DOCK2: variants seen among roughly 807,000 people sequenced by gnomAD.
DOCK2 encodes the protein dedicator of cytokinesis protein 2.
Under a neutral mutation model 248.9 loss-of-function variants are expected in DOCK2, and 87 were observed. That is an observed-to-expected ratio of 0.35 (90% CI 0.29 to 0.42). DOCK2 has a LOEUF of 0.42. Ranked by LOEUF, DOCK2 falls within the 10% of genes least tolerant of loss-of-function variation. The pLI is 1.00. For missense variants in DOCK2, 1,747 were observed against 2,300.2 expected, an observed-to-expected ratio of 0.76 and a Z score of 4.92; for synonymous variants, 805 against 821.6, an observed-to-expected ratio of 0.98 and a Z score of 0.35.
intron 25 of DOCK2, among the ~76,000 whole-genome samples, chr5:169,781,313 G>A (rs1312086239): frequency 4.6e-5 from 7 of 152,226 alleles, no homozygotes. Context: ...AACATTGAAT[G>A]AAACGATGTT....
chr5:169,787,498 C>G (rs915437434), intron 25 of DOCK2, among the ~76,000 whole-genome samples: 1 of 152,190 alleles, frequency 6.6e-6, no homozygotes, highest in Non-Finnish European at 1.5e-5. Context: ...TACAGGTGGG[C>G]TCACTGGGCC....
intron 29 of DOCK2, among the ~76,000 whole-genome samples, chr5:169,987,410 A>G (rs1350000301): frequency 1.3e-5 from 2 of 152,246 alleles, no homozygotes; most frequent in East Asian, 3.9e-4. Flanking sequence ...GTCAGGGAAT[A>G]AGGAAAGAAG....
intron 4 of DOCK2, 84 bp downstream of exon 4, chr5:169,670,681 A>G (rs1759003175): frequency 6.5e-7 from 1 of 1,527,296 alleles, no homozygotes; most frequent in African/African-American, 1.4e-5. Flanking sequence ...CTGACTTGGA[A>G]GAGCTGAGGG....
chr5:169,994,388 T>C (rs1183477550), intron 29 of DOCK2, among the ~76,000 whole-genome samples: 3 of 152,148 alleles, frequency 2.0e-5, no homozygotes, highest in Admixed American at 6.5e-5. Flanking sequence ...GGGGTTGCAA[T>C]GAGGATCCCT....
chr5:169,761,230 A>C (rs1764471418), intron 24 of DOCK2: 1 of 279,176 alleles, frequency 3.6e-6, no homozygotes, highest in South Asian at 6.6e-5. Flanking sequence ...TTGTAGAGTT[A>C]TGAAGTCTAC....
At chr5:169,908,029 A>G (rs776363490) in intron 27 of DOCK2, among the ~76,000 whole-genome samples, 4 of 152,186 alleles carry the variant, frequency 2.6e-5, no homozygotes, top group Non-Finnish European at 5.9e-5. Flanking sequence ...GCCTTCATCT[A>G]GAAGCTGTGA....
In DOCK2 at chr5:169,761,625, G is replaced by T; in HGVS notation, c.2554G>T (p.Glu852Ter). 2 of 1,613,466 alleles carry T rather than the reference G, an allele frequency of 1.2e-6. No individual in the cohort carries two copies. Among genetic ancestry groups the T allele is most frequent in the Non-Finnish European group, 1.7e-6 (2 of 1,179,546 alleles). The change falls in exon 25 of 52, where the codon GAA becomes TAA. Residue 852 changes from glutamate to a stop codon, truncating the protein, a stop_gained and splice_region_variant. Transcript: ENST00000520908. LOFTEE classifies it high-confidence loss of function. ...IVQSNLFKKQ[E>*]CRDILLPVIT... The stretch of plus-strand genomic sequence containing the variant: ...CCAGAGCAACCTCTTTAAAAAGCAA[G>T]GTGAGTACACAGCACCCTTGCTGGG...
intron 9 of DOCK2, among the ~76,000 whole-genome samples, chr5:169,694,325 T>C (rs1285404480): frequency 1.3e-5 from 2 of 152,228 alleles, no homozygotes; most frequent in African/African-American, 2.4e-5. Context: ...CAGCATGTCT[T>C]GTTGTTTCTT....
chr5:169,736,118 C>G (rs1763027154), intron 22 of DOCK2, among the ~76,000 whole-genome samples: 1 of 152,208 alleles, frequency 6.6e-6, no homozygotes, highest in African/African-American at 2.4e-5. Context: ...GGTCCCTCCC[C>G]CAACATTGTA....
At chr5:169,744,004 G>C (rs576132549) in intron 22 of DOCK2, among the ~76,000 whole-genome samples, 1 of 151,458 alleles carries the variant, frequency 6.6e-6, no homozygotes, top group South Asian at 2.1e-4. Context: ...GACTTAGGCA[G>C]GTGCAGGATA....
At chr5:169,879,449 C>T (rs923606240) in intron 27 of DOCK2, among the ~76,000 whole-genome samples, 2 of 152,160 alleles carry the variant, frequency 1.3e-5, no homozygotes, top group African/African-American at 2.4e-5. Flanking sequence ...ATTAATTGCC[C>T]GTTCCCTTGC....
intron 27 of DOCK2, among the ~76,000 whole-genome samples, chr5:169,851,793 G>T (rs143560446): frequency 6.6e-6 from 1 of 152,146 alleles, no homozygotes; most frequent in East Asian, 1.9e-4. Flanking sequence ...AGGGGGAAGA[G>T]CCCCTTTATA....
At chr5:169,678,637 G>A (rs184430761) in intron 6 of DOCK2, among the ~76,000 whole-genome samples, 61 of 152,310 alleles carry the variant, frequency 4.0e-4, no homozygotes, top group Admixed American at 2.9e-3. Flanking sequence ...CATCCTGGTG[G>A]TCTTTTGAAC....
At chr5:169,866,632 C>A (rs533495817) in intron 27 of DOCK2, among the ~76,000 whole-genome samples, 1 of 152,340 alleles carries the variant, frequency 6.6e-6, no homozygotes, top group East Asian at 1.9e-4. Flanking sequence ...TCCAGTGAAT[C>A]TGTGTCCTCA....
At chr5:169,743,003 C>A (rs191555701) in intron 22 of DOCK2, among the ~76,000 whole-genome samples, 2 of 152,168 alleles carry the variant, frequency 1.3e-5, no homozygotes, top group African/African-American at 4.8e-5. Context: ...TCTTTCCAGG[C>A]GTTCTAGGCC....
chr5:169,639,483 T>G (rs1235709953), intron 1 of DOCK2, among the ~76,000 whole-genome samples: 1 of 152,146 alleles, frequency 6.6e-6, no homozygotes. Context: ...AGCTCAGAAA[T>G]GGTCTGGGAA....
At chr5:170,030,959 G>A (rs945410392) in intron 34 of DOCK2, among the ~76,000 whole-genome samples, 1 of 152,332 alleles carries the variant, frequency 6.6e-6, no homozygotes, top group Middle Eastern at 3.4e-3. Flanking sequence ...AAGGTTTAAG[G>A]CATGGAGTGG....
At chr5:170,077,654 G>T in intron 47 of DOCK2, 56 bp from the exon 48 acceptor site, 2 of 1,601,704 alleles carry the variant, frequency 1.2e-6, no homozygotes, top group South Asian at 2.2e-5. Context: ...TGACAGGAAG[G>T]CTGGGGCCAC....
chr5:170,019,651 C>T (rs1030910778), intron 33 of DOCK2, among the ~76,000 whole-genome samples: 2 of 152,142 alleles, frequency 1.3e-5, no homozygotes, highest in African/African-American at 4.8e-5. Flanking sequence ...CTGTGAAACA[C>T]GAGAGCCATT....
Sources: gnomAD v4.1 joint callset for allele counts (sites outside exome capture counted in the v4.1 genomes callset) on GRCh38, gnomAD v4.1.1 for gene constraint, MANE v1.5 for transcripts, NCBI Gene and HGNC (gene_info 2026-07-23, HGNC 2026-07-21) for gene names.